STXBP5L: variants seen among roughly 807,000 people sequenced by gnomAD.
STXBP5L encodes syntaxin binding protein 5L.
STXBP5L carries 65 observed loss-of-function variants against 144.5 expected under a neutral mutation model. That is an observed-to-expected ratio of 0.45 (90% CI 0.37 to 0.55). STXBP5L has a LOEUF of 0.55. Among genes scored for constraint, STXBP5L ranks in the 20% least tolerant of loss-of-function variants. STXBP5L has a pLI of 0.00. For synonymous variants in STXBP5L, 505 were observed against 469.6 expected (o/e 1.08, Z -0.97); for missense variants, 1,298 against 1,405.5 (o/e 0.92, Z 1.22).
chr3:121,352,653 C>A (rs1157981993), intron 20 of STXBP5L, among the ~76,000 whole-genome samples: 1 of 152,008 alleles, frequency 6.6e-6, no homozygotes. Flanking sequence ...CTCTTCTTTT[C>A]CTAATTGAAT....
intron 19 of STXBP5L, among the ~76,000 whole-genome samples, chr3:121,298,221 T>G (rs976567787): frequency 2.0e-5 from 3 of 152,252 alleles, no homozygotes; most frequent in African/African-American, 7.2e-5. Context: ...CTCATGGTAG[T>G]TTCAATCTGC....
chr3:121,364,371 A>G (rs1341002631), intron 20 of STXBP5L, among the ~76,000 whole-genome samples: 1 of 152,156 alleles, frequency 6.6e-6, no homozygotes, highest in Non-Finnish European at 1.5e-5. Context: ...AAGTTTTGAA[A>G]TCAGAAATTG....
At chr3:120,986,064 G>A (rs1028072540) in intron 3 of STXBP5L, among the ~76,000 whole-genome samples, 3 of 151,752 alleles carry the variant, frequency 2.0e-5, no homozygotes, top group Non-Finnish European at 3.0e-5. Context: ...CACTGTTTTT[G>A]CTGCATCCCA....
Position 121,257,174 on chromosome 3 carries a change from G to T in STXBP5L, c.1673G>T (p.Arg558Leu), listed in dbSNP as rs370605827. The T allele has an allele frequency of 1.2e-6, 2 of 1,605,036 alleles. No homozygotes were observed. Among genetic ancestry groups the T allele is most frequent in the East Asian group, 4.5e-5 (2 of 44,814 alleles). Residue 558 changes from arginine (R) to leucine (L), a missense_variant, in exon 17 of 27, where the codon CGA (arginine) becomes CTA (leucine). Transcript: ENST00000471454. ...GATTTTTTTAAGTCATTAGAGGTAC[G>T]ACTTCAGTATGATGTTGAAGATATT... ...ITTEIVSLEV[R>L]LQYDVEDIIT...
chr3:121,052,568 A>G (rs1948101638), intron 5 of STXBP5L, among the ~76,000 whole-genome samples: 2 of 152,176 alleles, frequency 1.3e-5, no homozygotes. Context: ...AAAACTCTCA[A>G]CAAATTAGGT....
intron 18 of STXBP5L, 131 bp from the exon 19 acceptor site, chr3:121,279,674 C>G (rs2050991012): frequency 1.9e-6 from 2 of 1,038,096 alleles, no homozygotes; most frequent in Non-Finnish European, 2.8e-6. Flanking sequence ...TCCTTCTTGA[C>G]TTTACACAAA....
At chr3:121,289,324 A>G (rs1204321844) in intron 19 of STXBP5L, among the ~76,000 whole-genome samples, 1 of 152,166 alleles carries the variant, frequency 6.6e-6, no homozygotes, top group Non-Finnish European at 1.5e-5. Flanking sequence ...TAAATATGAT[A>G]AAAGGACTAG....
intron 5 of STXBP5L, among the ~76,000 whole-genome samples, chr3:121,098,041 G>A (rs2043220076): frequency 1.3e-5 from 2 of 152,008 alleles, no homozygotes; most frequent in Non-Finnish European, 2.9e-5. Flanking sequence ...AAATGAAAAT[G>A]CAGAATTTTC....
intron 10 of STXBP5L, among the ~76,000 whole-genome samples, chr3:121,209,228 A>C (rs964344233): frequency 6.6e-6 from 1 of 152,070 alleles, no homozygotes; most frequent in South Asian, 2.1e-4. Context: ...GCTGAAGTAA[A>C]CATACATGTG....
chr3:121,093,917 A>G (rs960380024), intron 5 of STXBP5L, among the ~76,000 whole-genome samples: 2 of 152,052 alleles, frequency 1.3e-5, no homozygotes, highest in South Asian at 2.1e-4. Context: ...TTAGTGCTAT[A>G]CATTTCCCTC....
At chr3:120,994,059 C>T (rs1943143558) in intron 3 of STXBP5L, among the ~76,000 whole-genome samples, 1 of 151,786 alleles carries the variant, frequency 6.6e-6, no homozygotes, top group African/African-American at 2.4e-5. Context: ...CTGTTGTAAA[C>T]GGGATTGCTG....
intron 20 of STXBP5L, among the ~76,000 whole-genome samples, chr3:121,328,008 A>T (rs2044205852): frequency 6.6e-6 from 1 of 152,190 alleles, no homozygotes; most frequent in East Asian, 1.9e-4. Flanking sequence ...ACTTAAGGAG[A>T]TTTTTAGAGA....
intron 2 of STXBP5L, among the ~76,000 whole-genome samples, chr3:120,952,361 A>G (rs984969421): frequency 1.1e-4 from 16 of 152,066 alleles, no homozygotes; most frequent in African/African-American, 3.9e-4. Flanking sequence ...AATATTGTGT[A>G]GTTTTCAGAG....
intron 7 of STXBP5L, among the ~76,000 whole-genome samples, chr3:121,138,906 A>G (rs2045376355): frequency 6.6e-6 from 1 of 152,098 alleles, no homozygotes; most frequent in African/African-American, 2.4e-5. Context: ...GACAAATGAG[A>G]TTATATCACA....
chr3:121,050,109 G>T (rs532564040), intron 5 of STXBP5L, among the ~76,000 whole-genome samples: 1 of 152,232 alleles, frequency 6.6e-6, no homozygotes, highest in East Asian at 1.9e-4. Flanking sequence ...CTGTTTCCCT[G>T]ATAAATCCCC....
chr3:121,264,883 A>T (rs1421740589), intron 18 of STXBP5L, among the ~76,000 whole-genome samples: 1 of 152,130 alleles, frequency 6.6e-6, no homozygotes, highest in African/African-American at 2.4e-5. Context: ...AAAAAGACAA[A>T]CAAGGGCATT....
At chr3:121,121,833 G>T (rs1488301724) in intron 7 of STXBP5L, 129 bp downstream of exon 7, 2 of 529,272 alleles carry the variant, frequency 3.8e-6, no homozygotes, top group African/African-American at 1.9e-5. Flanking sequence ...AAATGAAAAT[G>T]TGTTGAATCA....
At chr3:121,335,193 C>T (rs2044462975) in intron 20 of STXBP5L, among the ~76,000 whole-genome samples, 1 of 152,066 alleles carries the variant, frequency 6.6e-6, no homozygotes, top group African/African-American at 2.4e-5. Context: ...ATCAAAAACA[C>T]AATCCCATTC....
At chr3:121,137,973 T>C (rs1211359737) in intron 7 of STXBP5L, among the ~76,000 whole-genome samples, 1 of 152,050 alleles carries the variant, frequency 6.6e-6, no homozygotes, top group African/African-American at 2.4e-5. Flanking sequence ...CCAAATTTGA[T>C]AGGAGGAAGT....
Sources: gnomAD v4.1 joint callset for allele counts (sites outside exome capture counted in the v4.1 genomes callset) on GRCh38, gnomAD v4.1.1 for gene constraint, MANE v1.5 for transcripts, NCBI Gene and HGNC (gene_info 2026-07-23, HGNC 2026-07-21) for gene names.